Variants in CSRNP3 observed in about 807,000 individuals in gnomAD.
The protein encoded by CSRNP3 is cysteine and serine rich nuclear protein 3, also known as cysteine/serine-rich nuclear protein 3.
A neutral mutation model predicts 48.0 loss-of-function variants in CSRNP3; 12 were observed. That is an observed-to-expected ratio of 0.25 (90% CI 0.16 to 0.41). CSRNP3 has a LOEUF of 0.41. Among genes scored for constraint, CSRNP3 ranks in the 10% least tolerant of loss-of-function variants. The probability of loss-of-function intolerance (pLI) is 1.00; values close to 1 mark genes in which losing one functional copy is unlikely to be tolerated. For missense variants in CSRNP3, 580 were observed against 724.4 expected, an observed-to-expected ratio of 0.80 and a Z score of 2.29; for synonymous variants, 263 against 269.7, an observed-to-expected ratio of 0.98 and a Z score of 0.24.
At chr2:165,657,147 A>G (rs907219012) in intron 4 of CSRNP3, among the ~76,000 whole-genome samples, 1 of 152,200 alleles carries the variant, frequency 6.6e-6, no homozygotes, top group Non-Finnish European at 1.5e-5. Context: ...TGTCTATGCT[A>G]CTGGCCCATT....
At chr2:165,628,196 A>G (rs1686470704) in intron 4 of CSRNP3, among the ~76,000 whole-genome samples, 1 of 152,158 alleles carries the variant, frequency 6.6e-6, no homozygotes, top group South Asian at 2.1e-4. Flanking sequence ...CTTATTACAA[A>G]TGAGCCCTGA....
At chr2:165,545,382 A>G (rs1292939988) in intron 3 of CSRNP3, among the ~76,000 whole-genome samples, 1 of 152,198 alleles carries the variant, frequency 6.6e-6, no homozygotes, top group Non-Finnish European at 1.5e-5. Context: ...TAGAGAGTGA[A>G]AAATTAATGA....
chr2:165,519,042 A>C (rs1684616466), intron 3 of CSRNP3, among the ~76,000 whole-genome samples: 1 of 152,104 alleles, frequency 6.6e-6, no homozygotes, highest in Non-Finnish European at 1.5e-5. Flanking sequence ...GTATTTTCAC[A>C]TTATAGCTTC....
chr2:165,594,751 G>A (rs1198741473), intron 3 of CSRNP3, among the ~76,000 whole-genome samples: 1 of 152,012 alleles, frequency 6.6e-6, no homozygotes, highest in Non-Finnish European at 1.5e-5. Flanking sequence ...CTTGGACTCA[G>A]GTGGATTTTC....
At chr2:165,551,957 C>A (rs1685101140) in intron 3 of CSRNP3, among the ~76,000 whole-genome samples, 1 of 152,156 alleles carries the variant, frequency 6.6e-6, no homozygotes, top group Non-Finnish European at 1.5e-5. Context: ...TATTTATTTT[C>A]ATTGGGGAAT....
At chr2:165,630,062 C>T (rs1686506072) in intron 4 of CSRNP3, among the ~76,000 whole-genome samples, 1 of 152,170 alleles carries the variant, frequency 6.6e-6, no homozygotes, top group African/African-American at 2.4e-5. Context: ...AGACTCTCAA[C>T]AGACTGTACA....
At chr2:165,504,800 A>G (rs1024200568) in intron 2 of CSRNP3, among the ~76,000 whole-genome samples, 8 of 152,114 alleles carry the variant, frequency 5.3e-5, no homozygotes, top group African/African-American at 9.6e-5. Context: ...AATTCTTTAC[A>G]TATCTCAAGA....
chr2:165,540,540 G>T (rs1353456409), intron 3 of CSRNP3, among the ~76,000 whole-genome samples: 1 of 152,068 alleles, frequency 6.6e-6, no homozygotes. Context: ...TCCTTCGAAA[G>T]CTTAACTGTG....
At chr2:165,539,775 C>T (rs139093356) in intron 3 of CSRNP3, among the ~76,000 whole-genome samples, 26 of 152,090 alleles carry the variant, frequency 1.7e-4, no homozygotes, top group African/African-American at 6.3e-4. Flanking sequence ...CAGTAATAAT[C>T]GCTGGTATAA....
chr2:165,597,641 A>T (rs1366960445), intron 4 of CSRNP3, among the ~76,000 whole-genome samples: 5 of 152,256 alleles, frequency 3.3e-5, no homozygotes, highest in Admixed American at 1.3e-4. Flanking sequence ...TTTGCTATTT[A>T]AAAAAAGCCC....
rs1464622519 is a variant in CSRNP3 at position 165,657,775 on chromosome 2, A to G, written c.163A>G (p.Lys55Glu). The G allele has an allele frequency of 6.2e-7, 1 of 1,613,496 alleles. No homozygotes were observed. ...TTCTCTTTCAGCTTCCTCCATTCTC[A>G]AAAGGGAGAAACGACTGAGGACAAA... ...SSHFTPSSILKREKRLRTKNV... is the reference protein window; with the variant it reads ...SSHFTPSSILEREKRLRTKNV... Residue 55 changes from lysine (K) to glutamate (E), a missense_variant, in exon 5 of 7, where the codon AAA becomes GAA. Coordinates refer to ENST00000651982, the MANE Select transcript of CSRNP3 (RefSeq NM_001172173.2).
rs1558972373 is a variant in CSRNP3, at chr2:165,678,872, A to T, written c.877A>T (p.Ser293Cys). The change falls in exon 7 of 7, where the codon AGT becomes TGT. Residue 293 changes from serine to cysteine, a missense_variant. Physicochemically the swap from Ser to Cys is moderately radical, Grantham distance 112. Transcript: ENST00000651982. ...AATCCCCACGCTGAATGGCTGCCACAGTGAGATAAGTGCTCACAGTAGTTC... is the reference window on the plus strand; with the variant it reads ...AATCCCCACGCTGAATGGCTGCCACTGTGAGATAAGTGCTCACAGTAGTTC... ...QQIPTLNGCH[S>C]EISAHSSSMG... The T allele has an allele frequency of 1.9e-6, 3 of 1,614,016 alleles. No homozygotes were observed. Among genetic ancestry groups the T allele is most frequent in the Non-Finnish European group, 2.5e-6 (3 of 1,179,932 alleles).
rs1003546812 is a variant in CSRNP3, at chr2:165,517,881, G to A, written c.-104G>A. 1.3e-5 allele frequency: 2 copies of A among 152,304 alleles called. No individual in the cohort carries two copies. The highest frequency in any genetic ancestry group is 4.8e-5 in the African/African-American group (2 of 41,424). 9.4% of individuals were successfully genotyped at this position (152,304 alleles called of 1,614,324 possible). On this transcript the variant is annotated 5_prime_UTR_variant, in exon 3 of 7. It removes an upstream start codon present in the reference 5' UTR. Transcript: ENST00000651982. ...GTATTTTCTTTTTTAAGGAAAAAATGAGGAAATATCAACAGACTGAAAATA... is the reference window on the plus strand; with the variant it reads ...GTATTTTCTTTTTTAAGGAAAAAATAAGGAAATATCAACAGACTGAAAATA...
intron 2 of CSRNP3, among the ~76,000 whole-genome samples, chr2:165,503,782 G>A (rs572580068): frequency 6.6e-6 from 1 of 151,886 alleles, no homozygotes; most frequent in South Asian, 2.1e-4. Context: ...ACTATGAAAG[G>A]GATTTTGTAA....
intron 3 of CSRNP3, among the ~76,000 whole-genome samples, chr2:165,581,115 C>G (rs1253919784): frequency 1.3e-5 from 2 of 152,184 alleles, no homozygotes; most frequent in Non-Finnish European, 2.9e-5. Context: ...TAAAAGTTAA[C>G]CTTAGGGAAG....
At chr2:165,577,462 A>G (rs1203167756) in intron 3 of CSRNP3, among the ~76,000 whole-genome samples, 1 of 151,882 alleles carries the variant, frequency 6.6e-6, no homozygotes, top group Non-Finnish European at 1.5e-5. Context: ...GCTAAAGTTT[A>G]TGACTATAAA....
intron 2 of CSRNP3, among the ~76,000 whole-genome samples, chr2:165,508,692 A>G (rs555931804): frequency 1.3e-5 from 2 of 152,316 alleles, no homozygotes; most frequent in Non-Finnish European, 2.9e-5. Flanking sequence ...AAAACAGATC[A>G]TATCTATACA....
At chr2:165,484,165 C>T (rs1270471506) in intron 1 of CSRNP3, among the ~76,000 whole-genome samples, 1 of 152,120 alleles carries the variant, frequency 6.6e-6, no homozygotes, top group Non-Finnish European at 1.5e-5. Flanking sequence ...TCTTGGCTCA[C>T]TGCAGCCTCC....
chr2:165,489,112 G>T (rs1048944633), intron 1 of CSRNP3, among the ~76,000 whole-genome samples: 3 of 149,518 alleles, frequency 2.0e-5, no homozygotes, highest in African/African-American at 5.0e-5. Context: ...TGATAAAGGG[G>T]ATATCACCAC....
Sources: gnomAD v4.1 joint callset for allele counts (sites outside exome capture counted in the v4.1 genomes callset) on GRCh38, gnomAD v4.1.1 for gene constraint, MANE v1.5 for transcripts, NCBI Gene and HGNC (gene_info 2026-07-23, HGNC 2026-07-21) for gene names.